DAB1: variants seen among roughly 807,000 people sequenced by gnomAD.
The protein encoded by DAB1 is DAB adaptor protein 1.
DAB1 carries 15 observed loss-of-function variants against 64.6 expected under a neutral mutation model. The observed-to-expected ratio is 0.23, with a 90% CI of 0.16 to 0.36. The LOEUF (loss-of-function observed/expected upper bound fraction) is 0.36. Among genes scored for constraint, DAB1 ranks in the 10% least tolerant of loss-of-function variants. The pLI is 1.00. For missense variants in DAB1, 596 were observed against 706.7 expected (o/e 0.84, Z 1.78); for synonymous variants, 235 against 251.9 (o/e 0.93, Z 0.64).
At chr1:57,512,179 G>A (rs1408907128) in intron 7 of DAB1, among the ~76,000 whole-genome samples, 1 of 152,154 alleles carries the variant, frequency 6.6e-6, no homozygotes, top group Non-Finnish European at 1.5e-5. Flanking sequence ...CTTTAGCACT[G>A]AGCTATATCT....
At chr1:58,362,956 T>A (rs1301422417) in intron 3 of DAB1, among the ~76,000 whole-genome samples, 2 of 152,190 alleles carry the variant, frequency 1.3e-5, no homozygotes, top group Non-Finnish European at 2.9e-5. Context: ...AAGATCAAGG[T>A]CCAGCAGGGT....
At chr1:57,024,688 T>C (rs1006512016) in intron 10 of DAB1, among the ~76,000 whole-genome samples, 1 of 152,204 alleles carries the variant, frequency 6.6e-6, no homozygotes, top group African/African-American at 2.4e-5. Flanking sequence ...CTTTGTGACC[T>C]TGGGTGAGTC....
intron 5 of DAB1, among the ~76,000 whole-genome samples, chr1:58,076,207 T>A (rs1416613227): frequency 1.3e-5 from 2 of 152,188 alleles, no homozygotes; most frequent in African/African-American, 4.8e-5. Flanking sequence ...ACTCTCTTAA[T>A]CTTCAGAACA....
chr1:57,453,597 C>T (rs971206330), intron 7 of DAB1, among the ~76,000 whole-genome samples: 2 of 152,028 alleles, frequency 1.3e-5, no homozygotes, highest in African/African-American at 4.8e-5. Flanking sequence ...TTCTTTGAGT[C>T]CTCAGATATA....
intron 5 of DAB1, among the ~76,000 whole-genome samples, chr1:57,958,816 T>G (rs1035172133): frequency 1.3e-5 from 2 of 152,220 alleles, no homozygotes; most frequent in African/African-American, 4.8e-5. Flanking sequence ...CTTCCTTCTA[T>G]GCTTTTCTCT....
At chr1:57,654,808 T>C (rs1056837884) in intron 6 of DAB1, among the ~76,000 whole-genome samples, 2 of 152,218 alleles carry the variant, frequency 1.3e-5, no homozygotes, top group African/African-American at 2.4e-5. Context: ...TATTAAACAC[T>C]TAATTTCCCT....
At chr1:57,658,524 C>T (rs145755358) in intron 6 of DAB1, among the ~76,000 whole-genome samples, 152 of 151,620 alleles carry the variant, frequency 1.0e-3, no homozygotes, top group African/African-American at 3.3e-3. Flanking sequence ...AGGATGGTCT[C>T]GATCTCCTGA....
chr1:58,382,233 C>A (rs1188951566), intron 3 of DAB1, among the ~76,000 whole-genome samples: 1 of 152,114 alleles, frequency 6.6e-6, no homozygotes, highest in African/African-American at 2.4e-5. Flanking sequence ...GTTCCAGGAG[C>A]TTCTGCTTGG....
Position 57,493,909 on chromosome 1 carries a change from G to A in DAB1, n.625+155683C>T, listed in dbSNP as rs2793647. 8.3e-3 allele frequency among the ~76,000 whole-genome samples: 1,264 copies of A among 152,140 alleles called. 23 individuals carry two copies. Among genetic ancestry groups the A allele is most frequent in the African/African-American group, 0.025 (1,053 of 41,492 alleles). ...TTAGTTTTTCCATTGGCAACAACCC[G>A]ATCTTGCAATCAGAGGCTTTGTGTG... On this transcript the variant is annotated intron_variant and non_coding_transcript_variant, in intron 7 of 20. Coordinates refer to the DAB1 transcript ENST00000485760.
chr1:58,441,612 A>C (rs558699615), intron 3 of DAB1, among the ~76,000 whole-genome samples: 1 of 152,226 alleles, frequency 6.6e-6, no homozygotes, highest in South Asian at 2.1e-4. Flanking sequence ...CTCAGTTATA[A>C]AAGAGGTGTC....
intron 5 of DAB1, among the ~76,000 whole-genome samples, chr1:58,079,548 A>C (rs1421792902): frequency 9.9e-6 from 1 of 100,808 alleles, no homozygotes; most frequent in African/African-American, 3.9e-5. Context: ...TTTGAGATGG[A>C]GTCTCGCTCT....
At chr1:57,900,493 C>T (rs578122804) in intron 5 of DAB1, among the ~76,000 whole-genome samples, 2 of 152,300 alleles carry the variant, frequency 1.3e-5, no homozygotes, top group Admixed American at 6.5e-5. Flanking sequence ...ACGGCAGAGG[C>T]CTTGCAGCCC....
At chr1:58,092,279 G>A (rs2100614036) in intron 5 of DAB1, among the ~76,000 whole-genome samples, 1 of 150,760 alleles carries the variant, frequency 6.6e-6, no homozygotes, top group Non-Finnish European at 1.5e-5. Flanking sequence ...ATTGCAGCGA[G>A]TCAAGATCGC....
intron 5 of DAB1, among the ~76,000 whole-genome samples, chr1:58,061,134 G>A (rs1349320232): frequency 2.0e-5 from 3 of 152,192 alleles, no homozygotes; most frequent in Non-Finnish European, 4.4e-5. Flanking sequence ...ACACACATGG[G>A]CTCAACACCT....
At chr1:57,794,592 G>A (rs1650754363) in intron 6 of DAB1, among the ~76,000 whole-genome samples, 1 of 152,084 alleles carries the variant, frequency 6.6e-6, no homozygotes. Context: ...CTTGCCACAT[G>A]CCTCCATTGT....
intron 1 of DAB1, among the ~76,000 whole-genome samples, chr1:57,412,650 A>C (rs1280252445): frequency 6.6e-6 from 1 of 152,234 alleles, no homozygotes; most frequent in Non-Finnish European, 1.5e-5. Context: ...CCTTAAACCA[A>C]ATCCTGATTT....
chr1:58,075,497 G>A (rs1317581279), intron 5 of DAB1, among the ~76,000 whole-genome samples: 1 of 152,346 alleles, frequency 6.6e-6, no homozygotes, highest in East Asian at 1.9e-4. Flanking sequence ...ATCTTTGAGT[G>A]AGGATGATAA....
chr1:58,172,787 T>A (rs1300524761), intron 4 of DAB1, among the ~76,000 whole-genome samples: 1 of 152,254 alleles, frequency 6.6e-6, no homozygotes, highest in African/African-American at 2.4e-5. Flanking sequence ...CAGTGCCCAG[T>A]TAGCAGAACT....
intron 6 of DAB1, among the ~76,000 whole-genome samples, chr1:57,690,583 C>G (rs1185667886): frequency 6.6e-6 from 1 of 152,154 alleles, no homozygotes; most frequent in Non-Finnish European, 1.5e-5. Flanking sequence ...CCAATTAAGC[C>G]TCTTTCCTTT....
Sources: allele counts gnomAD v4.1 joint callset (sites outside exome capture counted in the v4.1 genomes callset), GRCh38; gene constraint gnomAD v4.1.1; transcripts MANE v1.5; gene names NCBI Gene and HGNC (gene_info 2026-07-23, HGNC 2026-07-21).